Variants in GPC5 observed in about 807,000 individuals in gnomAD.
The protein encoded by GPC5 is glypican-5.
GPC5 carries 47 observed loss-of-function variants against 53.9 expected under a neutral mutation model. That is an observed-to-expected ratio of 0.87 (90% CI 0.69 to 1.11). GPC5 has a LOEUF of 1.11. Ranked by LOEUF, GPC5 falls within the 50% of genes most tolerant of loss-of-function variation. GPC5 has a pLI of 0.00. For synonymous variants in GPC5, 286 were observed against 263.3 expected (o/e 1.09, Z -0.84); for missense variants, 748 against 713.1 (o/e 1.05, Z -0.56).
chr13:92,788,477 T>C (rs1325939002), intron 7 of GPC5, among the ~76,000 whole-genome samples: 1 of 152,158 alleles, frequency 6.6e-6, no homozygotes, highest in East Asian at 1.9e-4. Context: ...GAAATCATCA[T>C]AGAAATCACA....
intron 6 of GPC5, among the ~76,000 whole-genome samples, chr13:92,124,120 T>C (rs977155387): frequency 4.6e-5 from 7 of 150,890 alleles, no homozygotes; most frequent in Non-Finnish European, 7.4e-5. Flanking sequence ...ACAGTTAACT[T>C]TGTGCTTTTC....
chr13:92,558,673 G>A (rs945019800), intron 7 of GPC5, among the ~76,000 whole-genome samples: 2 of 151,920 alleles, frequency 1.3e-5, no homozygotes, highest in African/African-American at 4.8e-5. Flanking sequence ...TGATTCTTCT[G>A]TACACTTCCT....
At chr13:92,408,113 A>C (rs144975601) in intron 7 of GPC5, among the ~76,000 whole-genome samples, 23 of 152,268 alleles carry the variant, frequency 1.5e-4, no homozygotes, top group Middle Eastern at 3.4e-3. Flanking sequence ...CTCCTGTCAG[A>C]GCAGCAGTGG....
At chr13:91,826,555 A>C (rs1293252733) in intron 5 of GPC5, among the ~76,000 whole-genome samples, 1 of 152,066 alleles carries the variant, frequency 6.6e-6, no homozygotes, top group Non-Finnish European at 1.5e-5. Context: ...AAAAATCTAT[A>C]TGGACATATG....
At chr13:91,961,179 A>T (rs753155700) in intron 6 of GPC5, among the ~76,000 whole-genome samples, 4 of 152,022 alleles carry the variant, frequency 2.6e-5, no homozygotes, top group Non-Finnish European at 5.9e-5. Context: ...GAATATAAAG[A>T]AACTGAAGTA....
rs141101864 is a variant in GPC5 at position 91,686,266 on chromosome 13, T to G, written c.326-6921T>G. Among the ~76,000 whole-genome samples, 802 of 152,098 alleles carry G rather than the reference T, an allele frequency of 5.3e-3. 13 individuals are homozygous for G. The highest frequency in any genetic ancestry group is 0.035 in the South Asian group (168 of 4,818). ...TATTAGAAATAAATGTGAAGCACCA[T>G]GAAGCCCAAATTAATGAGGAGGGAA... is the stretch of plus-strand genomic sequence containing the variant. On this transcript the variant is annotated intron_variant, in intron 2 of 7. Transcript: ENST00000377067.
intron 7 of GPC5, among the ~76,000 whole-genome samples, chr13:92,312,770 A>G (rs1312823288): frequency 6.6e-6 from 1 of 152,126 alleles, no homozygotes; most frequent in African/African-American, 2.4e-5. Flanking sequence ...AACAAGTAAC[A>G]TTTCTGTTTA....
intron 7 of GPC5, among the ~76,000 whole-genome samples, chr13:92,323,328 C>A (rs1304914813): frequency 6.9e-6 from 1 of 145,050 alleles, no homozygotes; most frequent in African/African-American, 2.5e-5. Flanking sequence ...ATACAACATA[C>A]ATATATAAAA....
chr13:91,510,364 C>T (rs995469314), intron 2 of GPC5, among the ~76,000 whole-genome samples: 9 of 152,104 alleles, frequency 5.9e-5, no homozygotes, highest in African/African-American at 1.9e-4. Flanking sequence ...AGCACAGAAA[C>T]GTTATGTGAT....
At chr13:91,729,196 G>A (rs9523402) in intron 4 of GPC5, among the ~76,000 whole-genome samples, 60,751 of 152,024 alleles carry the variant, frequency 0.4, 14,193 homozygotes, top group East Asian at 0.65. Flanking sequence ...ATGGTTATCT[G>A]TTGATTCAAA....
In GPC5 at chr13:92,695,330, T is replaced by C. The variant is rs146887054; in HGVS notation, c.1562-170952T>C. ...TAGATTCTAGATATTAGACCTTGCA[T>C]AGTTTGCAGATATTCATTTTGAATA... On this transcript the variant is annotated intron_variant, in intron 7 of 7. Coordinates refer to ENST00000377067, the MANE Select transcript of GPC5 (RefSeq NM_004466.6). Among the ~76,000 whole-genome samples, 303 of 152,324 alleles carry C rather than the reference T, an allele frequency of 2.0e-3. 1 individual carries two copies. The highest frequency in any genetic ancestry group is 7.0e-3 in the African/African-American group (290 of 41,566).
At position 91,424,361 on chromosome 13, in the gene GPC5, CTT is replaced by C. The variant is rs781733611; in HGVS notation, c.164-24381_164-24380del. Among the ~76,000 whole-genome samples, 41 of 113,434 alleles carry C rather than the reference CTT, an allele frequency of 3.6e-4. No homozygotes were observed. The East Asian group carries it at 6.7e-3, about 19-fold the overall frequency. The allele number at this position is 113,434 out of a possible 152,430, so 74.4% of individuals were successfully genotyped here. On this transcript the variant is annotated intron_variant, in intron 1 of 7. Transcript: ENST00000377067. ...CGAAGACTGGCAGAATCCAGTACTG[CTT>C]TTTTTTTTTTTTTTTTTTGAGATGA...
chr13:91,643,045 A>G (rs978560382), intron 2 of GPC5, among the ~76,000 whole-genome samples: 1 of 152,108 alleles, frequency 6.6e-6, no homozygotes, highest in Admixed American at 6.6e-5. Context: ...TCCACTTCTT[A>G]TGGTGTTCGG....
At chr13:91,767,251 C>T (rs1671429797) in intron 5 of GPC5, among the ~76,000 whole-genome samples, 1 of 152,090 alleles carries the variant, frequency 6.6e-6, no homozygotes, top group Non-Finnish European at 1.5e-5. Flanking sequence ...GATCTGAAAA[C>T]TGAGAAATTA....
chr13:91,434,682 T>G (rs1879772573), intron 1 of GPC5, among the ~76,000 whole-genome samples: 1 of 152,200 alleles, frequency 6.6e-6, no homozygotes, highest in Non-Finnish European at 1.5e-5. Context: ...CTTTTTTGGT[T>G]GCATATGAAC....
chr13:91,953,554 A>G (rs2040046457), intron 6 of GPC5, among the ~76,000 whole-genome samples: 1 of 152,240 alleles, frequency 6.6e-6, no homozygotes, highest in Non-Finnish European at 1.5e-5. Flanking sequence ...AAAAGGGTAC[A>G]TTGCTAATAA....
intron 5 of GPC5, among the ~76,000 whole-genome samples, chr13:91,877,053 C>T (rs2039210874): frequency 6.6e-6 from 1 of 152,158 alleles, no homozygotes; most frequent in South Asian, 2.1e-4. Context: ...TGTGGGTACA[C>T]AAAAGTCAAG....
chr13:92,749,224 G>A (rs1190662136), intron 7 of GPC5, among the ~76,000 whole-genome samples: 1 of 152,028 alleles, frequency 6.6e-6, no homozygotes. Context: ...AACAAATTTG[G>A]CAGAGTTTGC....
intron 7 of GPC5, among the ~76,000 whole-genome samples, chr13:92,245,580 G>C (rs533131619): frequency 6.6e-6 from 1 of 152,086 alleles, no homozygotes; most frequent in Non-Finnish European, 1.5e-5. Flanking sequence ...ACAGAAAGTG[G>C]ACATAATACC....
Sources: gnomAD v4.1 joint callset for allele counts (sites outside exome capture counted in the v4.1 genomes callset) on GRCh38, gnomAD v4.1.1 for gene constraint, MANE v1.5 for transcripts, NCBI Gene and HGNC (gene_info 2026-07-23, HGNC 2026-07-21) for gene names.